HIGD1C: variants seen among roughly 807,000 people sequenced by gnomAD.
HIGD1C encodes HIG1 hypoxia inducible domain family member 1C.
HIGD1C carries 11 observed loss-of-function variants against 13.1 expected under a neutral mutation model. That is an observed-to-expected ratio of 0.84 (90% CI 0.53 to 1.39). HIGD1C has a LOEUF of 1.39. HIGD1C is among the 40% of genes most tolerant of loss of function. HIGD1C has a pLI of 0.00. For missense variants in HIGD1C, 110 were observed against 112.0 expected, an observed-to-expected ratio of 0.98 and a Z score of 0.08; for synonymous variants, 36 against 37.7, an observed-to-expected ratio of 0.95 and a Z score of 0.17.
chr12:50,951,107 G>T (rs1244738660), upstream of HIGD1C, among the ~76,000 whole-genome samples: 3 of 151,960 alleles, frequency 2.0e-5, no homozygotes, highest in African/African-American at 4.8e-5. Flanking sequence ...ACAAATAACA[G>T]GATATTTGTA....
At chr12:50,968,403 G>C (rs1364310599) in intron 2 of HIGD1C, among the ~76,000 whole-genome samples, 1 of 151,878 alleles carries the variant, frequency 6.6e-6, no homozygotes, top group Admixed American at 6.6e-5. Flanking sequence ...GTGTGTGTGG[G>C]GGGAGACAGG....
intron 2 of HIGD1C, among the ~76,000 whole-genome samples, chr12:50,966,990 G>A (rs1939563500): frequency 6.6e-6 from 1 of 152,050 alleles, no homozygotes; most frequent in South Asian, 2.1e-4. Flanking sequence ...GGTGGCATGT[G>A]CCTGTAATCC....
chr12:50,945,190 T>C, the HIGD1C span, among the ~76,000 whole-genome samples: 16 of 152,264 alleles, frequency 1.1e-4, no homozygotes, highest in African/African-American at 3.6e-4. Context: ...GGGATGCCCT[T>C]TCTCACCACT....
At chr12:50,931,566 C>T in the HIGD1C span, 4 of 150,198 alleles carry the variant, frequency 2.7e-5, no homozygotes, top group Admixed American at 1.3e-4. Context: ...AAAAAATTAG[C>T]CAGGCGTGGT....
chr12:50,948,968 C>T (rs1295517052), upstream of HIGD1C: 2 of 116,170 alleles, frequency 1.7e-5, no homozygotes, highest in African/African-American at 3.4e-5. Flanking sequence ...CACATATGCA[C>T]GAGGTTATTC....
chr12:50,937,418 C>T, the HIGD1C span, among the ~76,000 whole-genome samples: 80 of 152,302 alleles, frequency 5.3e-4, no homozygotes, highest in African/African-American at 1.7e-3. Context: ...CCATTGACCC[C>T]GAAGCCTCAA....
At chr12:50,947,491 C>T in the HIGD1C span, among the ~76,000 whole-genome samples, 1 of 152,292 alleles carries the variant, frequency 6.6e-6, no homozygotes, top group African/African-American at 2.4e-5. Context: ...CTCAACCTGA[C>T]TTGATTCTCC....
the HIGD1C span, among the ~76,000 whole-genome samples, chr12:50,943,552 T>C: frequency 3.6e-4 from 54 of 151,854 alleles, 1 homozygote; most frequent in Non-Finnish European, 4.4e-5. Flanking sequence ...CTACTAAAAA[T>C]ACAAAAAATT....
chr12:50,950,784 C>G (rs1938877572), upstream of HIGD1C, among the ~76,000 whole-genome samples: 1 of 146,398 alleles, frequency 6.8e-6, no homozygotes, highest in Non-Finnish European at 1.5e-5. Flanking sequence ...TCATGCCATT[C>G]TCCTGCCTCA....
chr12:50,957,940 GTGTGT>G (rs2139795996), intron 1 of HIGD1C, among the ~76,000 whole-genome samples: 2 of 64,866 alleles, frequency 3.1e-5, no homozygotes, highest in Middle Eastern at 8.3e-3. Context: ...AATTGGAGGT[GTGTGT>G]GTGTGTGTGT....
At chr12:50,952,321 AC>A (rs1938926116), upstream of HIGD1C, among the ~76,000 whole-genome samples, 1 of 152,204 alleles carries the variant, frequency 6.6e-6, no homozygotes, top group African/African-American at 2.4e-5. Flanking sequence ...AAATGCGGGT[AC>A]CAGACACACA....
At chr12:50,968,131 T>G (rs576310138) in intron 2 of HIGD1C, among the ~76,000 whole-genome samples, 39 of 146,984 alleles carry the variant, frequency 2.7e-4, no homozygotes, top group Admixed American at 2.6e-3. Context: ...AGGAGGAGAA[T>G]GAGGAGGAGG....
At chr12:50,947,674 T>G in the HIGD1C span, among the ~76,000 whole-genome samples, 1 of 152,304 alleles carries the variant, frequency 6.6e-6, no homozygotes, top group East Asian at 1.9e-4. Flanking sequence ...GAAATTAGGA[T>G]GTGGACATTT....
chr12:50,947,791 T>C, the HIGD1C span, among the ~76,000 whole-genome samples: 3 of 152,066 alleles, frequency 2.0e-5, no homozygotes, highest in African/African-American at 7.2e-5. Flanking sequence ...TGGTCTAAAA[T>C]AGACAAGATG....
intron 1 of HIGD1C, among the ~76,000 whole-genome samples, chr12:50,956,297 C>T (rs762065769): frequency 7.4e-4 from 113 of 152,058 alleles, no homozygotes; most frequent in Non-Finnish European, 1.3e-3. Flanking sequence ...GAGGCTGAGG[C>T]GGGAGAATCA....
chr12:50,934,336 G>T, the HIGD1C span, among the ~76,000 whole-genome samples: 1 of 152,232 alleles, frequency 6.6e-6, no homozygotes, highest in African/African-American at 2.4e-5. Flanking sequence ...GTCATTGGTT[G>T]AGTCTGTGAC....
the HIGD1C span, chr12:50,932,495 G>C: frequency 1.4e-4 from 22 of 152,306 alleles, no homozygotes; most frequent in Admixed American, 1.2e-3. Flanking sequence ...TCACATTTGT[G>C]TTAGGAACAG....
Position 50,962,283 on chromosome 12 carries a change from C to T in HIGD1C, c.229+1181C>T, listed in dbSNP as rs143164342. On this transcript the variant is annotated intron_variant, in intron 2 of 2. Transcript: ENST00000398455. ...AAATAGCTGGGTGTGGTGGCACATG[C>T]CTGTAATCCCAGCTACTTGGGGGAG... Among the ~76,000 whole-genome samples the T allele has an allele frequency of 3.0e-3, 461 of 151,164 alleles. 2 individuals are homozygous for T. Among genetic ancestry groups the T allele is most frequent in the Non-Finnish European group, 3.8e-3 (257 of 67,960 alleles).
chr12:50,968,519 T>G (rs1266684063), intron 2 of HIGD1C, among the ~76,000 whole-genome samples: 2 of 152,142 alleles, frequency 1.3e-5, no homozygotes, highest in Non-Finnish European at 2.9e-5. Context: ...CCCTAGCAGC[T>G]GGGACTACAG....
Sources: gnomAD v4.1 joint callset for allele counts (sites outside exome capture counted in the v4.1 genomes callset) on GRCh38, gnomAD v4.1.1 for gene constraint, MANE v1.5 for transcripts, NCBI Gene and HGNC (gene_info 2026-07-23, HGNC 2026-07-21) for gene names.